Variants in WDR36 observed in about 807,000 individuals in gnomAD.
WDR36 encodes the protein WD repeat-containing protein 36.
In WDR36, 63 loss-of-function variants were observed where a neutral mutation model predicts 112.7. The observed-to-expected ratio is 0.56, with a 90% CI of 0.46 to 0.69. WDR36 has a LOEUF of 0.69. WDR36 is among the 30% of genes least tolerant of loss of function. The pLI, the probability that WDR36 is intolerant of heterozygous loss-of-function variation, is 0.00. For synonymous variants in WDR36, 410 were observed against 362.2 expected (o/e 1.13, Z -1.50); for missense variants, 1,226 against 1,070.3 (o/e 1.15, Z -2.03).
chr5:111,098,989 G>C, intron 4 of WDR36, 150 bp downstream of exon 4: 5 of 631,880 alleles, frequency 7.9e-6, no homozygotes, highest in Non-Finnish European at 1.4e-5. Context: ...AAGAAAAAAA[G>C]TTCTAAGTAA....
At chr5:111,095,789 C>T (rs534559701) in intron 2 of WDR36, among the ~76,000 whole-genome samples, 2 of 152,258 alleles carry the variant, frequency 1.3e-5, no homozygotes, top group African/African-American at 2.4e-5. Flanking sequence ...TGCCATCATT[C>T]CTTCTACTGT....
intron 15 of WDR36, chr5:111,111,577 A>C (rs1753341119): frequency 3.4e-6 from 1 of 292,266 alleles, no homozygotes; most frequent in Non-Finnish European, 6.6e-6. Context: ...TCTTAACTTA[A>C]TATTAAAATA....
intron 4 of WDR36, among the ~76,000 whole-genome samples, chr5:111,099,441 G>GT (rs1234302447): frequency 2.7e-4 from 27 of 98,218 alleles, no homozygotes; most frequent in African/African-American, 5.5e-4. Context: ...TTGCCTCTTG[G>GT]TTTTTTTTTG....
At chr5:111,095,795 A>G (rs1023372993) in intron 2 of WDR36, among the ~76,000 whole-genome samples, 1 of 152,132 alleles carries the variant, frequency 6.6e-6, no homozygotes, top group Non-Finnish European at 1.5e-5. Flanking sequence ...CATTCCTTCT[A>G]CTGTAAGGAG....
Position 111,127,692 on chromosome 5 carries a change from G to A in WDR36, c.*809G>A, listed in dbSNP as rs866800435. The A allele has an allele frequency of 2.0e-4, 43 of 210,540 alleles. No individual in the cohort carries two copies. The highest frequency in any genetic ancestry group is 8.2e-4 in the African/African-American group (36 of 44,092). The allele number at this position is 210,540 out of a possible 1,614,324, so 13.0% of individuals were successfully genotyped here. A position where few individuals can be genotyped will look rare whatever the true frequency, so the allele number is the denominator to read the frequency against. ...GGCCCTTCCTTGCCCAAGGCAAGTC[G>A]CTGTAGATGGTTAAACTGATACCAA... On this transcript the variant is annotated 3_prime_UTR_variant, in exon 23 of 23. Transcript: ENST00000513710.
chr5:111,096,268 T>C (rs1752977700), intron 2 of WDR36, among the ~76,000 whole-genome samples: 1 of 152,206 alleles, frequency 6.6e-6, no homozygotes, highest in Non-Finnish European at 1.5e-5. Flanking sequence ...GAAACAATAT[T>C]GTCTTTAAAT....
At chr5:111,121,533 T>G (rs528852252) in intron 19 of WDR36, among the ~76,000 whole-genome samples, 2 of 152,258 alleles carry the variant, frequency 1.3e-5, no homozygotes, top group East Asian at 1.9e-4. Context: ...CCACTAGACT[T>G]TCATTTTATT....
At chr5:111,115,778 G>A (rs1193301135) in intron 16 of WDR36, among the ~76,000 whole-genome samples, 1 of 152,110 alleles carries the variant, frequency 6.6e-6, no homozygotes, top group Non-Finnish European at 1.5e-5. Context: ...GGGTATTAAA[G>A]TTTCCTGTAA....
rs1753668116 is a variant in WDR36, at chr5:111,125,755, A to T, written c.2498A>T (p.Asp833Val). ...MIGMMLDRKRDFELAQAYLAL... is the reference protein window; with the variant it reads ...MIGMMLDRKRVFELAQAYLAL... ...GGGATGATGCTGGACAGAAAGCGTG[A>T]TTTTGAGTTAGCCCAGGCATACCTT... The change falls in exon 22 of 23, where the codon GAT becomes GTT. Residue 833 changes from aspartate (D) to valine (V), a missense_variant. Physicochemically the swap from Asp to Val is radical, Grantham distance 152. Transcript: ENST00000513710. The T allele has an allele frequency of 6.2e-7, 1 of 1,613,750 alleles. No individual in the cohort carries two copies. Among genetic ancestry groups the T allele is most frequent in the Admixed American group, 1.7e-5 (1 of 59,976 alleles).
intron 15 of WDR36, chr5:111,111,554 G>T (rs1753340559): frequency 1.8e-5 from 6 of 342,774 alleles, no homozygotes; most frequent in Admixed American, 1.7e-4. Flanking sequence ...TGATCCATTG[G>T]TATATATGTC....
At chr5:111,107,590 C>A in intron 12 of WDR36, 151 bp downstream of exon 12, 1 of 942,752 alleles carries the variant, frequency 1.1e-6, no homozygotes, top group Non-Finnish European at 1.6e-6. Flanking sequence ...AAAATTTGCT[C>A]CTGTGACTTC....
chr5:111,120,903 TGAACATGTTATGAAA>T, intron 18 of WDR36, 78 bp from the exon 19 acceptor site: 1 of 1,128,208 alleles, frequency 8.9e-7, no homozygotes, highest in South Asian at 1.3e-5. Context: ...CTGCATTAAA[TGAACATGTTATGAAA>T]TACAGATGGA....
At position 111,094,430 on chromosome 5, in the gene WDR36, T is replaced by G. The variant is rs959800873; in HGVS notation, c.163-490T>G. 2.6e-4 allele frequency among the ~76,000 whole-genome samples: 40 copies of G among 152,176 alleles called. 1 individual carries two copies. Among genetic ancestry groups the G allele is most frequent in the Admixed American group, 1.2e-3 (18 of 15,280 alleles). ...CTGTAAGCCAGTCTAGCCCACTGTT[T>G]GTTTTTGTATGACCCAGGAGTTACG... On this transcript the variant is annotated intron_variant, in intron 1 of 22. Coordinates refer to ENST00000513710, the MANE Select transcript of WDR36 (RefSeq NM_139281.3).
chr5:111,123,703 CT>C, intron 19 of WDR36, 101 bp from the exon 20 acceptor site: 1 of 1,449,940 alleles, frequency 6.9e-7, no homozygotes, highest in Non-Finnish European at 9.5e-7. Flanking sequence ...TTTCATTCCT[CT>C]TTTACTTTTT....
rs141853823 is a variant in WDR36 at position 111,109,490 on chromosome 5, G to A, written c.1327-699G>A. Among the ~76,000 whole-genome samples, 605 of 151,258 alleles carry A rather than the reference G, an allele frequency of 4.0e-3. 2 individuals carry two copies. The highest frequency in any genetic ancestry group is 5.7e-3 in the Non-Finnish European group (383 of 67,466). The stretch of plus-strand genomic sequence containing the variant: ...AATACTTTCTACTTAGTTTGTATAA[G>A]TCATCTGTTTAGATGTAAATTGAAT... On this transcript the variant is annotated intron_variant, in intron 12 of 22. Transcript: ENST00000513710.
intron 17 of WDR36, 122 bp from the exon 18 acceptor site, chr5:111,120,374 A>G (rs766010294): frequency 1.8e-5 from 14 of 780,242 alleles, no homozygotes; most frequent in Non-Finnish European, 3.0e-5. Context: ...ATTGATAACA[A>G]TCTATCTTTG....
At chr5:111,106,338 C>T (rs1166719748) in intron 11 of WDR36, among the ~76,000 whole-genome samples, 195 bp downstream of exon 11, 3 of 151,472 alleles carry the variant, frequency 2.0e-5, no homozygotes, top group South Asian at 2.1e-4. Flanking sequence ...TATCTATTAA[C>T]ATCAGGCTTT....
chr5:111,107,108 TAC>T (rs1444550952), intron 11 of WDR36, among the ~76,000 whole-genome samples, 184 bp from the exon 12 acceptor site: 2 of 151,496 alleles, frequency 1.3e-5, no homozygotes, highest in Non-Finnish European at 3.0e-5. Context: ...AACACATAAA[TAC>T]ACACATTTTT....
At position 111,103,891 on chromosome 5, in the gene WDR36, C is replaced by G; in HGVS notation, c.703C>G (p.Pro235Ala). The change falls in exon 7 of 23, where the codon CCC becomes GCC. Residue 235 changes from proline to alanine, a missense_variant. Transcript: ENST00000513710. ...AATGAAGTTTCGTCAAGACTGGGGA[C>G]CCATTACTTCAATTTCATTTCGCAC... ...TLMKFRQDWG[P>A]ITSISFRTDG... is the part of the protein sequence containing the mutation. The G allele has an allele frequency of 6.2e-7, 1 of 1,611,172 alleles. No homozygotes were observed. Among genetic ancestry groups the G allele is most frequent in the Non-Finnish European group, 8.5e-7 (1 of 1,178,178 alleles).
Sources: allele counts gnomAD v4.1 joint callset (sites outside exome capture counted in the v4.1 genomes callset), GRCh38; gene constraint gnomAD v4.1.1; transcripts MANE v1.5; gene names NCBI Gene and HGNC (gene_info 2026-07-23, HGNC 2026-07-21).